The following OPCML variants were observed in gnomAD, a reference collection of about 807,000 sequenced individuals.
OPCML encodes opioid binding protein/cell adhesion molecule like.
OPCML carries 13 observed loss-of-function variants against 37.8 expected under a neutral mutation model. The ratio of observed to expected loss-of-function variants is 0.34; its 90% confidence interval spans 0.22 to 0.55. OPCML has a LOEUF of 0.55. Among genes scored for constraint, OPCML ranks in the 20% least tolerant of loss-of-function variants. The pLI, the probability that OPCML is intolerant of heterozygous loss-of-function variation, is 0.91. For missense variants in OPCML, 341 were observed against 435.6 expected, an observed-to-expected ratio of 0.78 and a Z score of 1.93; for synonymous variants, 176 against 168.8, an observed-to-expected ratio of 1.04 and a Z score of -0.33.
At chr11:133,049,445 T>A (rs1273930402) in intron 1 of OPCML, among the ~76,000 whole-genome samples, 1 of 152,192 alleles carries the variant, frequency 6.6e-6, no homozygotes, top group Non-Finnish European at 1.5e-5. Context: ...ACTAATCACG[T>A]GACCTTTCAG....
At chr11:133,386,711 A>G (rs899232583) in intron 1 of OPCML, among the ~76,000 whole-genome samples, 1 of 152,206 alleles carries the variant, frequency 6.6e-6, no homozygotes, top group African/African-American at 2.4e-5. Context: ...AGCAAATCAC[A>G]TCTAAATAAT....
At chr11:133,290,522 G>A (rs1942446056) in intron 1 of OPCML, among the ~76,000 whole-genome samples, 1 of 152,232 alleles carries the variant, frequency 6.6e-6, no homozygotes. Flanking sequence ...TGTGGCAGCA[G>A]AAAAGAAGTC....
intron 1 of OPCML, among the ~76,000 whole-genome samples, chr11:133,513,260 C>T (rs1948197566): frequency 6.6e-6 from 1 of 152,118 alleles, no homozygotes; most frequent in Admixed American, 6.5e-5. Flanking sequence ...CAGATTTCAC[C>T]AGCCCCATTC....
At chr11:132,487,507 A>T (rs1008128936) in intron 4 of OPCML, among the ~76,000 whole-genome samples, 4 of 152,148 alleles carry the variant, frequency 2.6e-5, no homozygotes, top group African/African-American at 7.2e-5. Context: ...TGAGCAGCAA[A>T]TGTGCCTCCT....
intron 1 of OPCML, chr11:133,298,016 C>T (rs1293047472): frequency 6.6e-6 from 1 of 152,260 alleles, no homozygotes; most frequent in Non-Finnish European, 1.5e-5. Context: ...CCCCCTTCTC[C>T]TCCTTCTCCC....
intron 2 of OPCML, among the ~76,000 whole-genome samples, chr11:132,681,726 T>G (rs564564257): frequency 3.3e-5 from 5 of 152,012 alleles, no homozygotes; most frequent in Middle Eastern, 3.4e-3. Context: ...GAGGCCGAGG[T>G]GGGCAGATCA....
chr11:132,759,565 T>C (rs1469149199), intron 2 of OPCML, among the ~76,000 whole-genome samples: 1 of 152,208 alleles, frequency 6.6e-6, no homozygotes, highest in African/African-American at 2.4e-5. Context: ...CCATTTCTTC[T>C]AGATTTTCTA....
intron 2 of OPCML, among the ~76,000 whole-genome samples, chr11:132,880,160 T>G (rs1385651222): frequency 6.6e-6 from 1 of 152,198 alleles, no homozygotes; most frequent in African/African-American, 2.4e-5. Context: ...CTTGGGCTTT[T>G]TCTAATCAAT....
intron 2 of OPCML, among the ~76,000 whole-genome samples, chr11:132,800,347 T>C (rs1938572280): frequency 6.6e-6 from 1 of 152,222 alleles, no homozygotes; most frequent in Admixed American, 6.5e-5. Context: ...TGTCATGTTA[T>C]TTACAAAAAG....
At chr11:133,001,935 T>C (rs1038577527) in intron 1 of OPCML, among the ~76,000 whole-genome samples, 9 of 152,196 alleles carry the variant, frequency 5.9e-5, no homozygotes, top group Admixed American at 5.9e-4. Flanking sequence ...AGTGCCTTTG[T>C]AGCTATGAGT....
intron 1 of OPCML, among the ~76,000 whole-genome samples, chr11:133,125,117 C>G (rs1949480692): frequency 6.6e-6 from 1 of 152,134 alleles, no homozygotes; most frequent in Non-Finnish European, 1.5e-5. Flanking sequence ...AATCCTGGTT[C>G]TAAGAAGCAA....
chr11:132,978,029 T>C (rs1048032644), intron 1 of OPCML, among the ~76,000 whole-genome samples: 11 of 152,174 alleles, frequency 7.2e-5, no homozygotes, highest in Admixed American at 7.2e-4. Context: ...TTGGGAAGTT[T>C]CCAACAAAAC....
At chr11:133,079,692 A>G (rs755483843) in intron 1 of OPCML, among the ~76,000 whole-genome samples, 1 of 151,984 alleles carries the variant, frequency 6.6e-6, no homozygotes, top group East Asian at 1.9e-4. Flanking sequence ...ACAAATTCAC[A>G]ATTTCACAAT....
chr11:133,311,510 C>G (rs1053756392), intron 1 of OPCML, among the ~76,000 whole-genome samples: 1 of 152,114 alleles, frequency 6.6e-6, no homozygotes, highest in Admixed American at 6.5e-5. Flanking sequence ...AGCTCAGGTA[C>G]AATGGGATGG....
chr11:132,473,348 T>C (rs1176854852), intron 4 of OPCML, among the ~76,000 whole-genome samples: 1 of 152,200 alleles, frequency 6.6e-6, no homozygotes, highest in East Asian at 1.9e-4. Context: ...TGCTACTCCC[T>C]TATGGGGAAA....
intron 2 of OPCML, among the ~76,000 whole-genome samples, chr11:132,667,139 C>T (rs889977928): frequency 6.6e-6 from 1 of 152,194 alleles, no homozygotes; most frequent in Admixed American, 6.5e-5. Flanking sequence ...GGAAAAGACA[C>T]AGAGGTAGAG....
intron 1 of OPCML, among the ~76,000 whole-genome samples, chr11:133,233,739 TA>T (rs1940393110): frequency 6.6e-6 from 1 of 152,182 alleles, no homozygotes; most frequent in Admixed American, 6.5e-5. Context: ...CCCCTGCCCG[TA>T]AAAATGTCTA....
chr11:132,548,699 T>C (rs573880358), intron 3 of OPCML, among the ~76,000 whole-genome samples: 2 of 152,204 alleles, frequency 1.3e-5, no homozygotes, highest in African/African-American at 4.8e-5. Context: ...AAAAACCAAG[T>C]GAACTACTTG....
chr11:133,023,562 T>C (rs951456220), intron 1 of OPCML, among the ~76,000 whole-genome samples: 4 of 152,188 alleles, frequency 2.6e-5, no homozygotes, highest in African/African-American at 9.6e-5. Context: ...AATCAATAAC[T>C]GGTTTTAAAA....
Sources: gnomAD v4.1 joint callset for allele counts (sites outside exome capture counted in the v4.1 genomes callset) on GRCh38, gnomAD v4.1.1 for gene constraint, MANE v1.5 for transcripts, NCBI Gene and HGNC (gene_info 2026-07-23, HGNC 2026-07-21) for gene names.